The following SRFBP1 variants were observed in gnomAD, a reference collection of about 807,000 sequenced individuals.
SRFBP1 encodes serum response factor-binding protein 1.
In SRFBP1, 47 loss-of-function variants were observed where a neutral mutation model predicts 45.5. That is an observed-to-expected ratio of 1.03 (90% CI 0.82 to 1.32). The LOEUF is 1.32. SRFBP1 is among the 40% of genes most tolerant of loss of function. The pLI is 0.00. For missense variants in SRFBP1, 621 were observed against 484.6 expected (o/e 1.28, Z -2.64); for synonymous variants, 203 against 166.3 (o/e 1.22, Z -1.70).
At chr5:121,988,115 G>A (rs766330718) in intron 3 of SRFBP1, among the ~76,000 whole-genome samples, 4 of 152,148 alleles carry the variant, frequency 2.6e-5, no homozygotes, top group Non-Finnish European at 5.9e-5. Flanking sequence ...AGGGGATGAC[G>A]TCTTTAATGT....
intron 1 of SRFBP1, among the ~76,000 whole-genome samples, chr5:121,966,139 C>T (rs1752059124): frequency 6.6e-6 from 1 of 152,192 alleles, no homozygotes; most frequent in South Asian, 2.1e-4. Context: ...CAAATAGAGA[C>T]AGTTTGACTT....
In SRFBP1 at chr5:121,962,011, G is replaced by T; in HGVS notation, c.-22G>T. On this transcript the variant is annotated 5_prime_UTR_variant, in exon 1 of 8. Transcript: ENST00000339397. ...GACCGGTTCACGTGCAGGCAGCGGCGGATCATATTCCTTCATCTACCATGG... is the reference window on the plus strand; with the variant it reads ...GACCGGTTCACGTGCAGGCAGCGGCTGATCATATTCCTTCATCTACCATGG... 1 of 1,613,370 alleles carries T rather than the reference G, an allele frequency of 6.2e-7. No homozygotes were observed. Among genetic ancestry groups the T allele is most frequent in the African/African-American group, 1.3e-5 (1 of 74,754 alleles).
intron 2 of SRFBP1, among the ~76,000 whole-genome samples, chr5:122,047,135 G>A (rs1753875905): frequency 6.6e-6 from 1 of 152,164 alleles, no homozygotes; most frequent in African/African-American, 2.4e-5. Flanking sequence ...CCTATGTCCT[G>A]AATGGTATTG....
chr5:122,057,638 CT>C (rs1206230997), intron 2 of SRFBP1, among the ~76,000 whole-genome samples: 110 of 147,960 alleles, frequency 7.4e-4, no homozygotes, highest in Middle Eastern at 3.5e-3. Context: ...GCTCTCAGTT[CT>C]TTAAAAAAAA....
chr5:121,966,674 A>G (rs551835467), intron 1 of SRFBP1, among the ~76,000 whole-genome samples: 4 of 152,282 alleles, frequency 2.6e-5, no homozygotes, highest in Non-Finnish European at 5.9e-5. Context: ...AGTGATATGT[A>G]AAAATCAGAT....
At chr5:122,076,621 T>C (rs1490758633), downstream of SRFBP1, among the ~76,000 whole-genome samples, 2 of 152,192 alleles carry the variant, frequency 1.3e-5, no homozygotes, top group Non-Finnish European at 2.9e-5. Context: ...TTAAGTATCT[T>C]GGAAAAAGAG....
intron 2 of SRFBP1, among the ~76,000 whole-genome samples, chr5:122,058,315 A>G (rs946672979): frequency 1.3e-5 from 2 of 152,070 alleles, no homozygotes; most frequent in Non-Finnish European, 2.9e-5. Flanking sequence ...ACAGTTTTTA[A>G]TTGGTTATTA....
chr5:121,965,731 T>G (rs7709861), intron 1 of SRFBP1, among the ~76,000 whole-genome samples: 6,745 of 152,246 alleles, frequency 0.044, 173 homozygotes, highest in African/African-American at 0.06. Context: ...GTGAAGAAAG[T>G]CAATGGTAGC....
Position 122,038,142 on chromosome 5 carries a change from C to T in SRFBP1, n.311+15735C>T, listed in dbSNP as rs77985549. On this transcript the variant is annotated intron_variant and non_coding_transcript_variant, in intron 2 of 2. Coordinates refer to the SRFBP1 transcript ENST00000504881. ...ATAACGCCATTTGGACTTAAGTGATCATCAAATAAACATCCGTTTTGTTAA... is the reference window on the plus strand; with the variant it reads ...ATAACGCCATTTGGACTTAAGTGATTATCAAATAAACATCCGTTTTGTTAA... Among the ~76,000 whole-genome samples the T allele has an allele frequency of 5.0e-3, 758 of 152,208 alleles. 9 individuals are homozygous for T. Among genetic ancestry groups the T allele is most frequent in the African/African-American group, 0.017 (715 of 41,522 alleles).
chr5:122,016,074 G>GT (rs1464223027), intron 4 of SRFBP1, among the ~76,000 whole-genome samples: 5 of 152,146 alleles, frequency 3.3e-5, no homozygotes, highest in African/African-American at 1.2e-4. Flanking sequence ...GTTTTCTACA[G>GT]TTTGTGATAG....
intron 2 of SRFBP1, among the ~76,000 whole-genome samples, chr5:122,038,395 A>AT (rs1561405074): frequency 1.3e-5 from 2 of 152,214 alleles, no homozygotes; most frequent in Non-Finnish European, 2.9e-5. Flanking sequence ...ATCATCTGCA[A>AT]TTTTTTAGAA....
At chr5:121,977,964 T>A (rs958481060) in intron 3 of SRFBP1, among the ~76,000 whole-genome samples, 5 of 152,178 alleles carry the variant, frequency 3.3e-5, no homozygotes, top group Non-Finnish European at 7.4e-5. Context: ...AGTAGAAATA[T>A]TGCCTTCTAA....
At chr5:122,069,402 C>T (rs1202774550) in intron 2 of SRFBP1, among the ~76,000 whole-genome samples, 2 of 152,104 alleles carry the variant, frequency 1.3e-5, no homozygotes, top group Non-Finnish European at 2.9e-5. Flanking sequence ...GACAGACAGG[C>T]ATGCAGTCAA....
chr5:122,047,005 A>C (rs1753873917), intron 2 of SRFBP1, among the ~76,000 whole-genome samples: 3 of 151,948 alleles, frequency 2.0e-5, no homozygotes, highest in South Asian at 2.1e-4. Context: ...TTGCCTGTTC[A>C]CTCTGATGGT....
intron 2 of SRFBP1, among the ~76,000 whole-genome samples, chr5:122,053,274 G>T (rs185762977): frequency 6.6e-6 from 1 of 152,258 alleles, no homozygotes; most frequent in East Asian, 1.9e-4. Flanking sequence ...GGATGGAGTT[G>T]CCTGCCTTGC....
At chr5:122,001,609 C>T (rs557859937) in intron 4 of SRFBP1, among the ~76,000 whole-genome samples, 4 of 138,848 alleles carry the variant, frequency 2.9e-5, no homozygotes, top group African/African-American at 8.2e-5. Context: ...GGCCGGACTG[C>T]GGATTGCAGT....
intron 4 of SRFBP1, 129 bp downstream of exon 4, chr5:121,994,799 C>A (rs1021387355): frequency 1.8e-6 from 1 of 569,240 alleles, no homozygotes; most frequent in Non-Finnish European, 3.0e-6. Flanking sequence ...TAACTGAACT[C>A]CATTACTGCC....
chr5:121,965,332 T>G (rs1417811870), intron 1 of SRFBP1, among the ~76,000 whole-genome samples: 2 of 152,228 alleles, frequency 1.3e-5, no homozygotes, highest in South Asian at 2.1e-4. Context: ...GGTCTGACGT[T>G]TAAGTCTTTA....
At chr5:122,039,820 T>TA (rs1042843409) in intron 2 of SRFBP1, among the ~76,000 whole-genome samples, 1 of 152,032 alleles carries the variant, frequency 6.6e-6, no homozygotes, top group Non-Finnish European at 1.5e-5. Flanking sequence ...ACATATATGA[T>TA]ATATGGTTGG....
Sources: allele counts gnomAD v4.1 joint callset (sites outside exome capture counted in the v4.1 genomes callset), GRCh38; gene constraint gnomAD v4.1.1; transcripts MANE v1.5; gene names NCBI Gene and HGNC (gene_info 2026-07-23, HGNC 2026-07-21).